The following ATG14 variants were observed in gnomAD, a reference collection of about 807,000 sequenced individuals.
ATG14 encodes beclin 1-associated autophagy-related key regulator.
In ATG14, 35 loss-of-function variants were observed where a neutral mutation model predicts 60.4. That is an observed-to-expected ratio of 0.58 (90% CI 0.44 to 0.77). The LOEUF (loss-of-function observed/expected upper bound fraction) is 0.77. Ranked by LOEUF, ATG14 falls within the 30% of genes least tolerant of loss-of-function variation. The pLI is 0.00. For missense variants in ATG14, 647 were observed against 626.3 expected, an observed-to-expected ratio of 1.03 and a Z score of -0.35; for synonymous variants, 234 against 228.8, an observed-to-expected ratio of 1.02 and a Z score of -0.21.
chr14:55,395,950 G>T lies in ATG14; in HGVS notation c.317C>A (p.Thr106Lys). ...TGTATTACAACTTACCAACTGATCT[G>T]TTATCCATTTTCCTTCCATAGCTTT... ...VLKAMEGKWI[T>K]DQLRWKIMSC... is the part of the protein sequence containing the mutation. The change falls in exon 3 of 10, where the codon ACA (threonine) becomes AAA (lysine). Residue 106 changes from threonine (T) to lysine (K), a missense_variant. Physicochemically the swap from Thr to Lys is moderately conservative, Grantham distance 78. Transcript: ENST00000247178. 1.3e-6 allele frequency: 2 copies of T among 1,595,204 alleles called. No individual in the cohort carries two copies. Among genetic ancestry groups the T allele is most frequent in the Non-Finnish European group, 1.7e-6 (2 of 1,172,390 alleles).
In ATG14 at chr14:55,369,935, G is replaced by C; in HGVS notation, c.1173-10C>G. On this transcript the variant is annotated splice_polypyrimidine_tract_variant and intron_variant, in intron 9 of 9. Transcript: ENST00000247178. ...TTCAAAGGGCCCTGACCTGTGTGCA[G>C]ACAATGAGGGTCTCTTTAGGATAAC... 6.3e-7 allele frequency: 1 copy of C among 1,580,828 alleles called. No individual in the cohort carries two copies. The highest frequency in any genetic ancestry group is 8.6e-7 in the Non-Finnish European group (1 of 1,161,370).
At chr14:55,385,726 G>C in intron 5 of ATG14, 133 bp downstream of exon 5, 2 of 853,124 alleles carry the variant, frequency 2.3e-6, no homozygotes, top group South Asian at 3.6e-5. Flanking sequence ...TGTTGAAACA[G>C]ATAAGACTTA....
chr14:55,401,740 C>T (rs777584718), intron 1 of ATG14, among the ~76,000 whole-genome samples: 4 of 152,096 alleles, frequency 2.6e-5, no homozygotes, highest in Non-Finnish European at 5.9e-5. Context: ...GAGAAGGGTG[C>T]TCGCACACAG....
Position 55,378,580 on chromosome 14 carries a change from G to A in ATG14, c.996-506C>T, listed in dbSNP as rs145860797. Among the ~76,000 whole-genome samples, 1,007 of 152,170 alleles carry A rather than the reference G, an allele frequency of 6.6e-3. 14 individuals carry two copies. Among genetic ancestry groups the A allele is most frequent in the African/African-American group, 0.023 (945 of 41,492 alleles). On this transcript the variant is annotated intron_variant, in intron 7 of 9. Transcript: ENST00000247178. ...TTTACCCACAGCCTCTTTCCTTAGG[G>A]GTCCACACAGCTTGCTTGCTGCCTC...
In ATG14 at chr14:55,390,929, T is replaced by C; in HGVS notation, c.391A>G (p.Asn131Asp). ...TACTTACTTTTCTCCATTTCTTCAT[T>C]TCCTTTACATATTGTTTGTTTTAAC... ...EQLKQTICKG[N>D]EEMEKNSEGL... The change falls in exon 4 of 10, where the codon AAT becomes GAT. Residue 131 changes from asparagine (N) to aspartate (D), a missense_variant. By Grantham distance (23) the Asn-to-Asp change is conservative. Coordinates refer to ENST00000247178, the MANE Select transcript of ATG14 (RefSeq NM_014924.5). 6.2e-7 allele frequency: 1 copy of C among 1,600,706 alleles called. No individual in the cohort carries two copies. Among genetic ancestry groups the C allele is most frequent in the Non-Finnish European group, 8.5e-7 (1 of 1,171,246 alleles).
intron 7 of ATG14, 56 bp downstream of exon 7, chr14:55,380,517 A>C (rs572934285): frequency 1.2e-4 from 148 of 1,185,570 alleles, no homozygotes; most frequent in Non-Finnish European, 1.7e-4. Flanking sequence ...ATAAAGACAA[A>C]ATAGAAACTT....
chr14:55,390,215 T>C (rs193130253), intron 4 of ATG14, among the ~76,000 whole-genome samples: 8,842 of 148,118 alleles, frequency 0.06, 319 homozygotes, highest in South Asian at 0.093. Flanking sequence ...GGATTACAGG[T>C]GCCTGCCACC....
intron 3 of ATG14, among the ~76,000 whole-genome samples, chr14:55,392,093 C>A (rs967145609): frequency 2.0e-5 from 3 of 152,138 alleles, no homozygotes; most frequent in African/African-American, 7.2e-5. Context: ...GAATCTGTCC[C>A]ACCTCAGATC....
rs542398462 is a variant in ATG14, at chr14:55,370,412, T to C, written c.1173-487A>G. On this transcript the variant is annotated intron_variant, in intron 9 of 9. Coordinates refer to ENST00000247178, the MANE Select transcript of ATG14 (RefSeq NM_014924.5). ...ACATATTTAAAAATATCACCACAAT[T>C]TTCTAGGACACATTTCTAGCACAGA... is the stretch of plus-strand genomic sequence containing the variant. Among the ~76,000 whole-genome samples, 138 of 152,136 alleles carry C rather than the reference T, an allele frequency of 9.1e-4. No homozygotes were observed. In the Middle Eastern group the frequency reaches 0.01, roughly 11 times the overall value.
intron 5 of ATG14, among the ~76,000 whole-genome samples, chr14:55,384,944 A>G (rs1463434136): frequency 1.3e-5 from 2 of 151,744 alleles, no homozygotes; most frequent in Non-Finnish European, 2.9e-5. Context: ...TGGAACCTCT[A>G]TTTCTCAGAT....
intron 3 of ATG14, among the ~76,000 whole-genome samples, chr14:55,394,005 ATT>A (rs1300990357): frequency 1.2e-4 from 17 of 138,870 alleles, no homozygotes; most frequent in East Asian, 2.1e-4. Context: ...CAGTATCATA[ATT>A]TTTTTTTTTT....
At chr14:55,398,435 T>C (rs1291691452) in intron 1 of ATG14, among the ~76,000 whole-genome samples, 1 of 152,226 alleles carries the variant, frequency 6.6e-6, no homozygotes, top group Non-Finnish European at 1.5e-5. Context: ...TGCACTGTTA[T>C]AGCTATATCC....
intron 5 of ATG14, among the ~76,000 whole-genome samples, chr14:55,384,794 T>G (rs1417369942): frequency 6.6e-6 from 1 of 152,140 alleles, no homozygotes; most frequent in East Asian, 1.9e-4. Context: ...AATCCTCAAT[T>G]AGAGCAGCCT....
intron 9 of ATG14, among the ~76,000 whole-genome samples, chr14:55,371,390 A>C (rs10142448): frequency 0.43 from 65,249 of 151,988 alleles, 14,278 homozygotes; most frequent in African/African-American, 0.47. Context: ...TGCTTCCCAG[A>C]TGGATTAAGC....
At chr14:55,402,926 AATAT>A (rs71131262) in intron 1 of ATG14, among the ~76,000 whole-genome samples, 282 of 16,376 alleles carry the variant, frequency 0.017, 6 homozygotes, top group African/African-American at 0.039. Flanking sequence ...AAAAAAAAAA[AATAT>A]ATATATATAT....
chr14:55,399,529 A>G (rs898314300), intron 1 of ATG14, among the ~76,000 whole-genome samples: 1 of 152,242 alleles, frequency 6.6e-6, no homozygotes, highest in Non-Finnish European at 1.5e-5. Context: ...TACCTGCAAC[A>G]CAAAACAAGG....
Position 55,366,425 on chromosome 14 carries a change from A to C in ATG14, c.*3194T>G, listed in dbSNP as rs1884680269. On this transcript the variant is annotated 3_prime_UTR_variant, in exon 10 of 10. Coordinates refer to ENST00000247178, the MANE Select transcript of ATG14 (RefSeq NM_014924.5). The stretch of plus-strand genomic sequence containing the variant: ...AAGATTTATTGCAGTAATACAATAA[A>C]AGTTTAGAAAACATTTGTATGACTC... The C allele has an allele frequency of 6.6e-6, 1 of 152,662 alleles. No individual in the cohort carries two copies. 9.5% of individuals were successfully genotyped at this position (152,662 alleles called of 1,614,324 possible).
intron 9 of ATG14, among the ~76,000 whole-genome samples, chr14:55,374,781 C>T (rs1884887828): frequency 6.6e-6 from 1 of 152,204 alleles, no homozygotes; most frequent in African/African-American, 2.4e-5. Context: ...TTATCTGATT[C>T]AACGCCTCCT....
intron 2 of ATG14, 118 bp from the exon 3 acceptor site, chr14:55,396,100 C>T (rs929517767): frequency 4.2e-5 from 28 of 663,026 alleles, no homozygotes; most frequent in East Asian, 1.9e-4. Context: ...AATATCAAAA[C>T]GGGACTTAGC....
Sources: allele counts gnomAD v4.1 joint callset (sites outside exome capture counted in the v4.1 genomes callset), GRCh38; gene constraint gnomAD v4.1.1; transcripts MANE v1.5; gene names NCBI Gene and HGNC (gene_info 2026-07-23, HGNC 2026-07-21).